Variants in RUFY4 observed in about 807,000 individuals in gnomAD.
RUFY4 encodes RUN and FYVE domain containing 4.
RUFY4 carries 73 observed loss-of-function variants against 69.0 expected under a neutral mutation model. The observed-to-expected ratio is 1.06, with a 90% CI of 0.88 to 1.29. The LOEUF is 1.29. Among genes scored for constraint, RUFY4 ranks in the 50% most tolerant of loss-of-function variants. RUFY4 has a pLI of 0.00. For synonymous variants in RUFY4, 287 were observed against 271.8 expected, an observed-to-expected ratio of 1.06 and a Z score of -0.55; for missense variants, 770 against 705.6, an observed-to-expected ratio of 1.09 and a Z score of -1.03.
At chr2:218,062,026 T>C (rs1033899338) in intron 3 of RUFY4, among the ~76,000 whole-genome samples, 1 of 152,206 alleles carries the variant, frequency 6.6e-6, no homozygotes, top group Non-Finnish European at 1.5e-5. Context: ...TTCAGTTAAT[T>C]AGTAAGGCCC....
chr2:218,072,670 C>T, intron 3 of RUFY4, 109 bp from the exon 6 acceptor site: 2 of 1,280,188 alleles, frequency 1.6e-6, no homozygotes, highest in Admixed American at 2.6e-5. Context: ...GGCCTCAGGT[C>T]CCCCTGCACC....
intron 9 of RUFY4, 29 bp downstream of exon 11, chr2:218,083,285 A>T: frequency 1.3e-6 from 2 of 1,554,614 alleles, no homozygotes; most frequent in South Asian, 2.4e-5. Context: ...GGAAAGGGGA[A>T]ACAGATGGGG....
exon 7 of RUFY4, chr2:218,075,189 C>T (rs2106055658): frequency 6.4e-7 from 1 of 1,557,838 alleles, no homozygotes; most frequent in Non-Finnish European, 8.7e-7. Flanking sequence ...TGGACAGCAG[C>T]TGGCAGGGCT....
chr2:218,081,501 T>C (rs1689758781), intron 8 of RUFY4, among the ~76,000 whole-genome samples: 1 of 152,210 alleles, frequency 6.6e-6, no homozygotes, highest in Non-Finnish European at 1.5e-5. Flanking sequence ...TCATTTATTT[T>C]ACCCCTGCCC....
chr2:218,060,870 C>T (rs779928644), intron 3 of RUFY4: 32 of 1,399,346 alleles, frequency 2.3e-5, no homozygotes, highest in Admixed American at 3.4e-5. Context: ...GAAGGTCCTT[C>T]GGAAAAGCAA....
chr2:218,070,949 C>T, intron 2 of RUFY4, 90 bp downstream of exon 4: 1 of 959,646 alleles, frequency 1.0e-6, no homozygotes. Context: ...GAGCCACAGC[C>T]CCCTTCCTTA....
chr2:218,039,976 G>A (rs1215993219), intron 2 of RUFY4, among the ~76,000 whole-genome samples: 1 of 147,456 alleles, frequency 6.8e-6, no homozygotes, highest in Non-Finnish European at 1.5e-5. Flanking sequence ...CCACTGGATT[G>A]CCCCCAATTT....
At chr2:218,053,994 C>A (rs561480672) in intron 2 of RUFY4, among the ~76,000 whole-genome samples, 1 of 152,332 alleles carries the variant, frequency 6.6e-6, no homozygotes, top group East Asian at 1.9e-4. Flanking sequence ...CAGAAATCTT[C>A]ATCGTCTAAA....
In RUFY4 at chr2:218,083,040, G is replaced by A. The variant is rs568167744; in HGVS notation, c.1356-70G>A. 4.0e-6 allele frequency: 6 copies of A among 1,516,464 alleles called. No individual in the cohort carries two copies. In the African/African-American group the frequency reaches 1.1e-4, roughly 29 times the overall value. 93.9% of individuals were successfully genotyped at this position (1,516,464 alleles called of 1,614,324 possible). ...TCCCATGGGCTCCCTCTCTGGAAGA[G>A]GCTCAGCCTAGCTCAGGCACAAAGG... On this transcript the variant is annotated intron_variant, in intron 8 of 10. Transcript: ENST00000344321.
intron 9 of RUFY4, among the ~76,000 whole-genome samples, chr2:218,086,920 A>T (rs2106075502): frequency 6.6e-6 from 1 of 152,258 alleles, no homozygotes. Context: ...GGAAAATAAT[A>T]TGTTAAAGGC....
intron 2 of RUFY4, among the ~76,000 whole-genome samples, chr2:218,052,585 C>G (rs1559423565): frequency 6.6e-6 from 1 of 152,158 alleles, no homozygotes; most frequent in East Asian, 1.9e-4. Flanking sequence ...GCCTAAGAAA[C>G]AGAGATTTCA....
At chr2:218,079,944 C>T (rs990338020) in intron 8 of RUFY4, among the ~76,000 whole-genome samples, 2 of 152,052 alleles carry the variant, frequency 1.3e-5, no homozygotes, top group Admixed American at 6.6e-5. Flanking sequence ...CAGGGAAGGG[C>T]GCGGAGAAAG....
intron 2 of RUFY4, among the ~76,000 whole-genome samples, chr2:218,047,273 A>G (rs1451867515): frequency 1.3e-5 from 2 of 152,136 alleles, no homozygotes; most frequent in Non-Finnish European, 2.9e-5. Context: ...GAGAAAACCT[A>G]ATTCTAACTT....
At chr2:218,088,146 A>G (rs1160639302) in intron 9 of RUFY4, among the ~76,000 whole-genome samples, 1 of 152,204 alleles carries the variant, frequency 6.6e-6, no homozygotes, top group South Asian at 2.1e-4. Context: ...AATCATATGC[A>G]TGTATTATTT....
intron 3 of RUFY4, chr2:218,059,629 T>G (rs1217664933): frequency 6.0e-6 from 1 of 167,082 alleles, no homozygotes; most frequent in African/African-American, 2.4e-5. Flanking sequence ...TGAAGGATAC[T>G]TCGTTATGTA....
chr2:218,075,688 T>G, exon 7 of RUFY4: 1 of 1,477,034 alleles, frequency 6.8e-7, no homozygotes, highest in Non-Finnish European at 9.0e-7. Flanking sequence ...GAAGTGACCC[T>G]TGTGGCCAGA....
chr2:218,075,096 C>G (rs756070343), exon 7 of RUFY4: 20 of 1,522,524 alleles, frequency 1.3e-5, no homozygotes, highest in East Asian at 2.4e-5. Flanking sequence ...TCCACAGATC[C>G]CAGCCGCATA....
At chr2:218,074,047 C>T in intron 6 of RUFY4, 162 bp downstream of exon 8, 3 of 721,616 alleles carry the variant, frequency 4.2e-6, no homozygotes, top group Admixed American at 2.4e-5. Context: ...GACTGGGGAG[C>T]TGCAGAGGAG....
chr2:218,050,731 A>T (rs1688925426), intron 2 of RUFY4, among the ~76,000 whole-genome samples: 1 of 152,216 alleles, frequency 6.6e-6, no homozygotes, highest in East Asian at 1.9e-4. Context: ...TAAGATCATA[A>T]AAGTATGAGT....
Sources: allele counts gnomAD v4.1 joint callset (sites outside exome capture counted in the v4.1 genomes callset), GRCh38; gene constraint gnomAD v4.1.1; transcripts MANE v1.5; gene names NCBI Gene and HGNC (gene_info 2026-07-23, HGNC 2026-07-21).